The following KDM4B variants were observed in gnomAD, a reference collection of about 807,000 sequenced individuals.
The protein encoded by KDM4B is lysine-specific demethylase 4B.
In KDM4B, 32 loss-of-function variants were observed where a neutral mutation model predicts 125.2. That is an observed-to-expected ratio of 0.26 (90% confidence interval 0.19 to 0.34). The LOEUF (loss-of-function observed/expected upper bound fraction) is 0.34. Ranked by LOEUF, KDM4B falls within the 10% of genes least tolerant of loss-of-function variation. KDM4B has a pLI of 1.00. For synonymous variants in KDM4B, 721 were observed against 677.9 expected (o/e 1.06, Z -0.99); for missense variants, 1,190 against 1,577.7 (o/e 0.75, Z 4.16).
intron 9 of KDM4B, among the ~76,000 whole-genome samples, chr19:5,093,650 C>G (rs1044182950): frequency 1.3e-5 from 2 of 152,236 alleles, no homozygotes; most frequent in Non-Finnish European, 2.9e-5. Context: ...GTGTTTAACG[C>G]TTTGTGTGCC....
chr19:5,095,592 G>A (rs539862769), intron 9 of KDM4B, among the ~76,000 whole-genome samples: 9 of 152,328 alleles, frequency 5.9e-5, no homozygotes, highest in South Asian at 4.1e-4. Context: ...CACGAGCCTC[G>A]GTGCTGGACG....
intron 6 of KDM4B, among the ~76,000 whole-genome samples, chr19:5,066,696 C>G (rs12461194): frequency 0.1 from 15,285 of 152,288 alleles, 939 homozygotes; most frequent in Admixed American, 0.15. Context: ...GCTTGTGGAG[C>G]CTTCTGCGGC....
At chr19:4,979,637 A>T (rs1227672565) in intron 1 of KDM4B, among the ~76,000 whole-genome samples, 1 of 152,202 alleles carries the variant, frequency 6.6e-6, no homozygotes, top group Non-Finnish European at 1.5e-5. Context: ...TCTAGAAGCC[A>T]TTCCTGTCAC....
chr19:5,106,576 C>T (rs2039039756), intron 9 of KDM4B, among the ~76,000 whole-genome samples: 1 of 152,260 alleles, frequency 6.6e-6, no homozygotes, highest in South Asian at 2.1e-4. Flanking sequence ...ACCCCTCCCT[C>T]TGCTGTCACT....
At chr19:5,066,730 T>TGTAGCC (rs2037781688) in intron 6 of KDM4B, among the ~76,000 whole-genome samples, 1 of 152,232 alleles carries the variant, frequency 6.6e-6, no homozygotes, top group South Asian at 2.1e-4. Flanking sequence ...CAAGGGTGGC[T>TGTAGCC]ACCAGGTATA....
rs142141841 is a variant in KDM4B at position 5,129,992 on chromosome 19, C to T, written c.1316-1084C>T. 1.1e-3 allele frequency among the ~76,000 whole-genome samples: 160 copies of T among 152,344 alleles called. 2 individuals carry two copies. In the Middle Eastern group the frequency reaches 0.024, roughly 23 times the overall value. On this transcript the variant is annotated intron_variant, in intron 11 of 22. Transcript: ENST00000159111. ...CGCTGGGCTCACATGGAGCTGTGTG[C>T]AGGGACAGGCCCTCCTGGGCACTCC...
At chr19:5,116,384 C>T (rs1322344143) in intron 10 of KDM4B, among the ~76,000 whole-genome samples, 1 of 152,102 alleles carries the variant, frequency 6.6e-6, no homozygotes, top group African/African-American at 2.4e-5. Flanking sequence ...AATCTTTTAC[C>T]TAGCCAAATT....
intron 15 of KDM4B, among the ~76,000 whole-genome samples, chr19:5,136,860 C>T (rs540211997): frequency 6.6e-6 from 1 of 152,314 alleles, no homozygotes; most frequent in South Asian, 2.1e-4. Context: ...CCCAGGGCCA[C>T]ATCCCACAGT....
At chr19:5,054,307 C>G (rs957002643) in intron 6 of KDM4B, among the ~76,000 whole-genome samples, 3 of 152,184 alleles carry the variant, frequency 2.0e-5, no homozygotes, top group Non-Finnish European at 4.4e-5. Context: ...TCTCGAACTC[C>G]TGGGATCAAA....
At chr19:5,084,754 C>A (rs914012009) in intron 9 of KDM4B, among the ~76,000 whole-genome samples, 2 of 151,046 alleles carry the variant, frequency 1.3e-5, no homozygotes, top group African/African-American at 4.9e-5. Context: ...GTCAAGGCAT[C>A]CCTGAGCTAT....
intron 3 of KDM4B, among the ~76,000 whole-genome samples, chr19:5,037,175 C>G (rs1014686946): frequency 2.6e-5 from 4 of 152,198 alleles, no homozygotes; most frequent in African/African-American, 9.7e-5. Flanking sequence ...CACGGCTTCC[C>G]CTCGGCCAGC....
At chr19:5,038,935 C>T (rs2036718465) in intron 3 of KDM4B, among the ~76,000 whole-genome samples, 2 of 152,258 alleles carry the variant, frequency 1.3e-5, no homozygotes. Flanking sequence ...ATCTGTTTCC[C>T]AGTGTTTCCT....
intron 3 of KDM4B, among the ~76,000 whole-genome samples, chr19:5,037,774 A>G (rs1236687648): frequency 6.6e-6 from 1 of 152,170 alleles, no homozygotes; most frequent in African/African-American, 2.4e-5. Flanking sequence ...AGCCACAGAC[A>G]TCCCCAGACA....
chr19:5,133,621 G>A (rs564362769), intron 13 of KDM4B, among the ~76,000 whole-genome samples: 1 of 152,318 alleles, frequency 6.6e-6, no homozygotes, highest in South Asian at 2.1e-4. Flanking sequence ...CATGTTTGGG[G>A]GCTCTGGCCT....
intron 6 of KDM4B, among the ~76,000 whole-genome samples, chr19:5,069,205 C>T (rs893999968): frequency 6.6e-6 from 1 of 152,204 alleles, no homozygotes; most frequent in Non-Finnish European, 1.5e-5. Context: ...ACCCTGGGAG[C>T]ATGCCCAGAA....
intron 22 of KDM4B, 124 bp downstream of exon 22, chr19:5,150,574 A>C (rs1033659839): frequency 1.9e-5 from 13 of 692,138 alleles, no homozygotes; most frequent in Non-Finnish European, 2.4e-6. Context: ...CTCTGCTGGA[A>C]GGGGGTCCCG....
At chr19:5,112,009 T>G (rs1420229274) in intron 10 of KDM4B, 16 of 575,800 alleles carry the variant, frequency 2.8e-5, no homozygotes, top group Non-Finnish European at 9.4e-6. Flanking sequence ...ATCTCTGCAC[T>G]TTGGAGGCCA....
At position 5,019,550 on chromosome 19, in the gene KDM4B, G is replaced by A. The variant is rs1474499506; in HGVS notation, c.-26+3211G>A. On this transcript the variant is annotated intron_variant, in intron 2 of 22. Transcript: ENST00000159111. Reference sequence around the variant, plus strand: ...CACGTATTGGTGTGCAGGTGTTGGTGTGCAGGTATTGGTGTGGATGTTGGT... The same window carrying A: ...CACGTATTGGTGTGCAGGTGTTGGTATGCAGGTATTGGTGTGGATGTTGGT... Among the ~76,000 whole-genome samples the A allele has an allele frequency of 2.7e-5, 4 of 150,824 alleles. No homozygotes were observed. The East Asian group carries it at 7.9e-4, about 30-fold the overall frequency.
chr19:5,021,187 G>C (rs968022302), intron 2 of KDM4B, among the ~76,000 whole-genome samples: 1 of 151,600 alleles, frequency 6.6e-6, no homozygotes. Flanking sequence ...TGCAGGCTTC[G>C]GGCGGCCCTG....
Sources: gnomAD v4.1 joint callset for allele counts (sites outside exome capture counted in the v4.1 genomes callset) on GRCh38, gnomAD v4.1.1 for gene constraint, MANE v1.5 for transcripts, NCBI Gene and HGNC (gene_info 2026-07-23, HGNC 2026-07-21) for gene names.